ERMARD: variants seen among roughly 807,000 people sequenced by gnomAD.
ERMARD encodes the protein endoplasmic reticulum membrane-associated RNA degradation protein.
In ERMARD, 71 loss-of-function variants were observed where a neutral mutation model predicts 83.9. The ratio of observed to expected loss-of-function variants is 0.85; its 90% confidence interval spans 0.70 to 1.03. The LOEUF is 1.03. Ranked by LOEUF, ERMARD falls within the 50% of genes least tolerant of loss-of-function variation. The pLI, the probability that ERMARD is intolerant of heterozygous loss-of-function variation, is 0.00. For synonymous variants in ERMARD, 284 were observed against 298.6 expected (o/e 0.95, Z 0.50); for missense variants, 838 against 810.9 (o/e 1.03, Z -0.41).
At chr6:169,760,121 T>C (rs1047632801) in intron 7 of ERMARD, 147 bp downstream of exon 7, 2 of 1,432,042 alleles carry the variant, frequency 1.4e-6, no homozygotes, top group African/African-American at 1.4e-5. Context: ...TTGAAGAACC[T>C]CCTACATTTT....
At chr6:169,775,461 G>C in intron 14 of ERMARD, 115 bp downstream of exon 14, 1 of 1,166,074 alleles carries the variant, frequency 8.6e-7, no homozygotes, top group Non-Finnish European at 1.2e-6. Flanking sequence ...AGGAATTTCT[G>C]GGCCTTGGTG....
chr6:169,768,648 C>T (rs9295025), intron 11 of ERMARD, among the ~76,000 whole-genome samples: 13,329 of 152,100 alleles, frequency 0.088, 616 homozygotes, highest in Middle Eastern at 0.13. Flanking sequence ...CTCCTGAGTC[C>T]CAGCTACTCA....
intron 3 of ERMARD, 93 bp from the exon 4 acceptor site, chr6:169,756,245 A>C: frequency 1.6e-6 from 1 of 637,852 alleles, no homozygotes. Flanking sequence ...TGGCAGTTGA[A>C]ATCTCTCGAG....
chr6:169,775,076 A>G (rs184990798), intron 13 of ERMARD, among the ~76,000 whole-genome samples, 194 bp from the exon 14 acceptor site: 45 of 152,262 alleles, frequency 3.0e-4, no homozygotes, highest in Non-Finnish European at 3.1e-4. Context: ...CTCCCTTCCA[A>G]TCCACTGGTA....
In ERMARD at chr6:169,756,821, A is replaced by G; in HGVS notation, c.507+13A>G. 2 of 1,610,830 alleles carry G rather than the reference A, an allele frequency of 1.2e-6. No homozygotes were observed. The highest frequency in any genetic ancestry group is 1.7e-6 in the Non-Finnish European group (2 of 1,177,354). On this transcript the variant is annotated intron_variant, in intron 5 of 17. Transcript: ENST00000366773. ...CAGTCAGTCTGTGGTAAGCTTGTTC[A>G]TCTAAACTCATGGAGTATATTAGTC...
At chr6:169,770,283 T>C (rs1457020900) in intron 12 of ERMARD, 2 of 152,206 alleles carry the variant, frequency 1.3e-5, no homozygotes, top group African/African-American at 4.8e-5. Flanking sequence ...TAATTCGGTG[T>C]TGTTGCTACC....
At chr6:169,780,703 C>T (rs1794107548) in intron 17 of ERMARD, among the ~76,000 whole-genome samples, 1 of 152,224 alleles carries the variant, frequency 6.6e-6, no homozygotes, top group African/African-American at 2.4e-5. Flanking sequence ...TCATTGCAGC[C>T]GAACCTTGAA....
At chr6:169,763,079 C>T (rs1281578250) in intron 9 of ERMARD, among the ~76,000 whole-genome samples, 1 of 152,168 alleles carries the variant, frequency 6.6e-6, no homozygotes, top group African/African-American at 2.4e-5. Context: ...CCCCGGTCGC[C>T]CTGTCTGAGG....
chr6:169,769,726 G>A lies in ERMARD; in HGVS notation c.1233+13G>A, dbSNP rs200614680. On this transcript the variant is annotated intron_variant, in intron 12 of 17. Coordinates refer to ENST00000366773, the MANE Select transcript of ERMARD (RefSeq NM_018341.3). ...ATCAGTTTTTAAGGTAATTTATAGG[G>A]AAGAAAATCATTAATTAGATTAACT... 2 of 1,566,914 alleles carry A rather than the reference G, an allele frequency of 1.3e-6. No individual in the cohort carries two copies. The highest frequency in any genetic ancestry group is 2.3e-5 in the East Asian group (1 of 43,710).
At chr6:169,773,553 C>T (rs762794335) in intron 13 of ERMARD, 151 bp downstream of exon 13, 96 of 676,784 alleles carry the variant, frequency 1.4e-4, no homozygotes, top group Middle Eastern at 4.0e-4. Context: ...CCTGCTGTGG[C>T]GCTGGCCTGG....
intron 6 of ERMARD, among the ~76,000 whole-genome samples, chr6:169,759,388 T>C (rs1265923702): frequency 1.3e-5 from 2 of 152,148 alleles, no homozygotes; most frequent in African/African-American, 4.8e-5. Context: ...GCCCAACTAC[T>C]GCACAGTCTA....
chr6:169,781,517 C>T lies in ERMARD; in HGVS notation c.*4C>T. ...CACAAGTAAAGTACTCTTATGAAAA[C>T]TTGTAAGTCAGGATGCTTTTAATTT... On this transcript the variant is annotated 3_prime_UTR_variant, in exon 18 of 18. Coordinates refer to ENST00000366773, the MANE Select transcript of ERMARD (RefSeq NM_018341.3). 3 of 1,580,332 alleles carry T rather than the reference C, an allele frequency of 1.9e-6. No individual in the cohort carries two copies. Among genetic ancestry groups the T allele is most frequent in the Non-Finnish European group, 2.6e-6 (3 of 1,164,648 alleles).
chr6:169,753,592 A>G (rs976820360), intron 1 of ERMARD, among the ~76,000 whole-genome samples: 6 of 152,116 alleles, frequency 3.9e-5, no homozygotes, highest in Non-Finnish European at 7.3e-5. Context: ...AAAGGAATAA[A>G]CAATGGCTAC....
At chr6:169,755,479 A>G in intron 3 of ERMARD, 57 bp downstream of exon 3, 5 of 1,589,454 alleles carry the variant, frequency 3.1e-6, no homozygotes, top group Non-Finnish European at 4.3e-6. Context: ...TACTTAGAGG[A>G]CGTACTATTT....
chr6:169,775,435 A>G, intron 14 of ERMARD, 89 bp downstream of exon 14: 1 of 1,431,980 alleles, frequency 7.0e-7, no homozygotes, highest in Non-Finnish European at 9.7e-7. Context: ...GGCTGTGGGA[A>G]GATAAAAGGG....
chr6:169,779,397 C>G, intron 17 of ERMARD, 102 bp downstream of exon 17: 1 of 988,600 alleles, frequency 1.0e-6, no homozygotes, highest in Non-Finnish European at 1.6e-6. Context: ...ACACTATCCC[C>G]TTGGTGGCCC....
intron 11 of ERMARD, among the ~76,000 whole-genome samples, chr6:169,768,698 A>G (rs965257971): frequency 7.9e-4 from 120 of 152,306 alleles, no homozygotes; most frequent in African/African-American, 2.7e-3. Context: ...CCCAGGAGGC[A>G]GAGGTTGCAG....
chr6:169,751,518 T>C, upstream of ERMARD: 3 of 1,610,692 alleles, frequency 1.9e-6, no homozygotes, highest in Non-Finnish European at 2.5e-6. Context: ...TCAAACGCCC[T>C]AGCCAGTCCC....
At chr6:169,765,323 A>G (rs1204233978) in intron 9 of ERMARD, among the ~76,000 whole-genome samples, 1 of 152,284 alleles carries the variant, frequency 6.6e-6, no homozygotes, top group East Asian at 1.9e-4. Flanking sequence ...AAGGCAGTAC[A>G]TATATGAAGA....
Sources: allele counts gnomAD v4.1 joint callset (sites outside exome capture counted in the v4.1 genomes callset), GRCh38; gene constraint gnomAD v4.1.1; transcripts MANE v1.5; gene names NCBI Gene and HGNC (gene_info 2026-07-23, HGNC 2026-07-21).